AHSA1: variants seen among roughly 807,000 people sequenced by gnomAD.
AHSA1 encodes activator of 90 kDa heat shock protein ATPase homolog 1.
A neutral mutation model predicts 46.1 loss-of-function variants in AHSA1; 14 were observed. That is an observed-to-expected ratio of 0.30 (90% confidence interval 0.20 to 0.47). AHSA1 has a LOEUF of 0.47. AHSA1 is among the 20% of genes least tolerant of loss of function. The pLI, the probability that AHSA1 is intolerant of heterozygous loss-of-function variation, is 0.99. For synonymous variants in AHSA1, 147 were observed against 145.8 expected, an observed-to-expected ratio of 1.01 and a Z score of -0.06; for missense variants, 333 against 415.9, an observed-to-expected ratio of 0.80 and a Z score of 1.73.
intron 8 of AHSA1, chr14:77,468,735 T>TTTTTTTTTTTTTTTTTTTTC: frequency 2.0e-6 from 1 of 498,012 alleles, no homozygotes; most frequent in Non-Finnish European, 3.5e-6. Context: ...TTTTTTTTTT[T>TTTTTTTTTTTTTTTTTTTTC]TTTTTTTTTT....
chr14:77,462,530 C>T, intron 3 of AHSA1, 112 bp from the exon 4 acceptor site: 1 of 980,358 alleles, frequency 1.0e-6, no homozygotes, highest in Non-Finnish European at 1.6e-6. Flanking sequence ...TACCGCAGTA[C>T]TCATGCATTT....
intron 6 of AHSA1, among the ~76,000 whole-genome samples, chr14:77,465,898 C>G (rs1421955001): frequency 1.3e-5 from 2 of 152,114 alleles, no homozygotes; most frequent in Non-Finnish European, 2.9e-5. Context: ...ACAATCTCAG[C>G]TCACTGCAAC....
intron 5 of AHSA1, 61 bp from the exon 6 acceptor site, chr14:77,465,478 C>A: frequency 6.4e-7 from 1 of 1,566,278 alleles, no homozygotes; most frequent in Non-Finnish European, 8.7e-7. Flanking sequence ...GTCTCTGAAG[C>A]CACGTTGATT....
At chr14:77,460,927 AG>A (rs2079020084) in intron 2 of AHSA1, among the ~76,000 whole-genome samples, 1 of 152,040 alleles carries the variant, frequency 6.6e-6, no homozygotes, top group South Asian at 2.1e-4. Flanking sequence ...TGGGAGGCCA[AG>A]GTGGGCGGAT....
Position 77,469,220 on chromosome 14 carries a change from A to G in AHSA1, c.988A>G (p.Thr330Ala). The change falls in exon 9 of 9, where the codon ACC (threonine) becomes GCC (alanine). Residue 330 changes from threonine (T) to alanine (A), a missense_variant. Coordinates refer to ENST00000216479, the MANE Select transcript of AHSA1 (RefSeq NM_012111.3). ...QRYYFEGIKQTFGYGARLF is the reference protein window; with the variant it reads ...QRYYFEGIKQAFGYGARLF ...GTACTACTTTGAGGGCATTAAACAGACCTTTGGCTATGGCGCACGCTTATT... is the reference window on the plus strand; with the variant it reads ...GTACTACTTTGAGGGCATTAAACAGGCCTTTGGCTATGGCGCACGCTTATT... 1 of 1,613,686 alleles carries G rather than the reference A, an allele frequency of 6.2e-7. No individual in the cohort carries two copies. Among genetic ancestry groups the G allele is most frequent in the African/African-American group, 1.3e-5 (1 of 74,890 alleles).
chr14:77,467,608 G>C (rs574707211), intron 6 of AHSA1, among the ~76,000 whole-genome samples: 3 of 151,920 alleles, frequency 2.0e-5, no homozygotes, highest in African/African-American at 7.3e-5. Context: ...GCAGAGAATT[G>C]CTTAAAACCT....
chr14:77,460,885 C>T lies in AHSA1; in HGVS notation c.271+1079C>T, dbSNP rs188155333. 1.1e-4 allele frequency among the ~76,000 whole-genome samples: 16 copies of T among 151,948 alleles called. No individual in the cohort carries two copies. The East Asian group carries it at 1.7e-3, about 17-fold the overall frequency. ...AAGAAATAGATAAATATAGGCCGGG[C>T]GTGGTGGCTAACGCCTGTAATCCCA... On this transcript the variant is annotated intron_variant, in intron 2 of 8. Transcript: ENST00000216479.
chr14:77,462,505 T>TA (rs1337660466), intron 3 of AHSA1, 137 bp from the exon 4 acceptor site: 1 of 851,470 alleles, frequency 1.2e-6, no homozygotes, highest in Non-Finnish European at 2.0e-6. Flanking sequence ...GGAACACTAA[T>TA]GGGGATTGTA....
At chr14:77,462,271 T>C (rs750248819) in intron 3 of AHSA1, 29 bp downstream of exon 3, 5 of 1,565,130 alleles carry the variant, frequency 3.2e-6, no homozygotes, top group Non-Finnish European at 4.4e-6. Context: ...CTAATCCGAG[T>C]CCTCTATATC....
At chr14:77,458,626 G>C (rs2079001271) in intron 1 of AHSA1, among the ~76,000 whole-genome samples, 1 of 152,264 alleles carries the variant, frequency 6.6e-6, no homozygotes. Flanking sequence ...TTGGGAGATA[G>C]CTGTGAAAGG....
At chr14:77,468,843 A>G in intron 8 of AHSA1, 1 of 626,516 alleles carries the variant, frequency 1.6e-6, no homozygotes. Context: ...CAGCCTCCCA[A>G]AGTGCTGGGA....
chr14:77,468,951 G>A lies in AHSA1; in HGVS notation c.845-126G>A, dbSNP rs564447765. 1.8e-4 allele frequency: 196 copies of A among 1,066,716 alleles called. No individual in the cohort carries two copies. The African/African-American group carries it at 2.5e-3, about 14-fold the overall frequency. The allele number at this position is 1,066,716 out of a possible 1,614,324, so 66.1% of individuals were successfully genotyped here. ...TGGAACTCCTGACCTCTGGTGATCC[G>A]CCCACCTCAGCCTGCCAAAGTGCTG... On this transcript the variant is annotated intron_variant, in intron 8 of 8. Transcript: ENST00000216479.
intron 4 of AHSA1, among the ~76,000 whole-genome samples, chr14:77,463,643 G>A (rs2079035943): frequency 6.6e-6 from 1 of 151,486 alleles, no homozygotes; most frequent in Non-Finnish European, 1.5e-5. Flanking sequence ...ATTTCTAATG[G>A]ACAGCGCTAA....
At chr14:77,464,036 C>T (rs1159979616) in intron 4 of AHSA1, among the ~76,000 whole-genome samples, 1 of 152,262 alleles carries the variant, frequency 6.6e-6, no homozygotes, top group East Asian at 1.9e-4. Flanking sequence ...ACCTCACATG[C>T]ACTTAATATG....
chr14:77,460,530 G>T (rs2079017407), intron 2 of AHSA1, among the ~76,000 whole-genome samples: 1 of 140,150 alleles, frequency 7.1e-6, no homozygotes, highest in Admixed American at 7.0e-5. Flanking sequence ...TCGAAGCATA[G>T]TAGTGTGGAA....
At chr14:77,457,885 T>A, upstream of AHSA1, 1 of 487,354 alleles carries the variant, frequency 2.1e-6, no homozygotes, top group Middle Eastern at 5.3e-4. Flanking sequence ...TGTTTTCCTA[T>A]GGGTGAGGAA....
At position 77,458,170 on chromosome 14, in the gene AHSA1, G is replaced by A; in HGVS notation, c.-20G>A. ...GGCTACGGCTGCTCCGGAGCTGGTG[G>A]CGCCGCGATAGGAGAGCCGATGGCC... On this transcript the variant is annotated 5_prime_UTR_variant, in exon 1 of 9. Transcript: ENST00000216479. The A allele has an allele frequency of 6.6e-7, 1 of 1,515,410 alleles. No homozygotes were observed. The allele number at this position is 1,515,410 out of a possible 1,614,324, so 93.9% of individuals were successfully genotyped here.
intron 6 of AHSA1, among the ~76,000 whole-genome samples, chr14:77,466,852 G>A (rs1349556700): frequency 6.6e-6 from 1 of 152,228 alleles, no homozygotes; most frequent in African/African-American, 2.4e-5. Flanking sequence ...CAGCATAGCT[G>A]TGGTCTTCAT....
Position 77,469,453 on chromosome 14 carries a change from TAAAC to T in AHSA1, c.*206_*209del, listed in dbSNP as rs562348232. On this transcript the variant is annotated 3_prime_UTR_variant, in exon 9 of 9. Transcript: ENST00000216479. ...CTCTTTTATGTGTACATATGCTAAA[TAAAC>T]ATAATTTAAAAAACATGCGTGTCTG... is the stretch of plus-strand genomic sequence containing the variant. 3.5e-3 allele frequency: 1,732 copies of T among 496,896 alleles called. 5 individuals carry two copies. The highest frequency in any genetic ancestry group is 5.1e-3 in the Non-Finnish European group (1,452 of 284,374). The allele number at this position is 496,896 out of a possible 1,614,324, so 30.8% of individuals were successfully genotyped here.
Sources: gnomAD v4.1 joint callset for allele counts (sites outside exome capture counted in the v4.1 genomes callset) on GRCh38, gnomAD v4.1.1 for gene constraint, MANE v1.5 for transcripts, NCBI Gene and HGNC (gene_info 2026-07-23, HGNC 2026-07-21) for gene names.